ACACA: variants seen among roughly 807,000 people sequenced by gnomAD.
The protein encoded by ACACA is acetyl-CoA carboxylase 1.
Under a neutral mutation model 296.1 loss-of-function variants are expected in ACACA, and 103 were observed. The ratio of observed to expected loss-of-function variants is 0.35; its 90% CI spans 0.30 to 0.41. The LOEUF is 0.41. Among genes scored for constraint, ACACA ranks in the 10% least tolerant of loss-of-function variants. ACACA has a pLI of 1.00. For missense variants in ACACA, 1,554 were observed against 2,989.7 expected, an observed-to-expected ratio of 0.52 and a Z score of 11.20; for synonymous variants, 953 against 1,038.6, an observed-to-expected ratio of 0.92 and a Z score of 1.58.
At chr17:37,320,178 T>G (rs2047283062) in intron 3 of ACACA, among the ~76,000 whole-genome samples, 1 of 152,034 alleles carries the variant, frequency 6.6e-6, no homozygotes, top group South Asian at 2.1e-4. Context: ...TTCTATCCCT[T>G]TCTAACAAGG....
intron 1 of ACACA, chr17:37,365,490 G>T (rs1378229632): frequency 9.1e-6 from 9 of 985,428 alleles, no homozygotes; most frequent in Non-Finnish European, 1.1e-5. Flanking sequence ...TCTTCACGTT[G>T]TCTCTGAGAG....
In ACACA at chr17:37,258,387, A is replaced by G; in HGVS notation, c.1501-14T>C. 6.2e-7 allele frequency: 1 copy of G among 1,613,474 alleles called. No individual in the cohort carries two copies. The highest frequency in any genetic ancestry group is 8.5e-7 in the Non-Finnish European group (1 of 1,179,412). ...CCCCATGGCAATCTGAAAGGTAATA[A>G]AACACACATCTTTAATTTTTCAGTT... On this transcript the variant is annotated splice_polypyrimidine_tract_variant and intron_variant, in intron 12 of 55. Coordinates refer to ENST00000616317, the MANE Select transcript of ACACA (RefSeq NM_198834.3).
intron 3 of ACACA, chr17:37,301,284 A>G (rs2083604310): frequency 1.4e-6 from 1 of 738,700 alleles, no homozygotes; most frequent in African/African-American, 1.9e-5. Flanking sequence ...TTTCTCTAAT[A>G]TTAGAATACA....
At chr17:37,121,585 A>G in intron 49 of ACACA, 95 bp from the exon 50 acceptor site, 2 of 1,505,766 alleles carry the variant, frequency 1.3e-6, no homozygotes, top group Non-Finnish European at 1.8e-6. Flanking sequence ...TAAAACTGAA[A>G]ACTAAAAATC....
Position 37,125,777 on chromosome 17 carries a change from A to G in ACACA, c.5962T>C (p.Leu1988=), listed in dbSNP as rs1007250955. Residue 1988 remains leucine, a synonymous_variant, in exon 48 of 56, where the codon TTG becomes CTG. Transcript: ENST00000616317. The part of the protein sequence containing the change: ...RPHPTQKGQW[L]SGFFDYGSFS... ...GATCCATAGTCAAAAAAGCCACTCAACCACTGACCTTTTTGGGCTACAGAA... is the reference window on the plus strand; with the variant it reads ...GATCCATAGTCAAAAAAGCCACTCAGCCACTGACCTTTTTGGGCTACAGAA... 20 of 1,613,766 alleles carry G rather than the reference A, an allele frequency of 1.2e-5. No individual in the cohort carries two copies. The highest frequency in any genetic ancestry group is 1.6e-5 in the Non-Finnish European group (19 of 1,179,894).
In ACACA at chr17:37,350,506, C is replaced by T. The variant is rs746266091; in HGVS notation, c.39-10656G>A. On this transcript the variant is annotated intron_variant, in intron 1 of 55. Coordinates refer to ENST00000616317, the MANE Select transcript of ACACA (RefSeq NM_198834.3). ...CTGCATTCCAGCATGGGCAAAAGAG[C>T]GAGACCCTGTCTCGAAAACAAAACA... 1.6e-4 allele frequency among the ~76,000 whole-genome samples: 24 copies of T among 151,916 alleles called. 1 individual carries two copies. Among genetic ancestry groups the T allele is most frequent in the Non-Finnish European group, 2.8e-4 (19 of 67,982 alleles).
At position 37,324,740 on chromosome 17, in the gene ACACA, CAGG is replaced by C. The variant is rs926216712; in HGVS notation, c.338+5430_338+5432del. Among the ~76,000 whole-genome samples, 6 of 146,318 alleles carry C rather than the reference CAGG, an allele frequency of 4.1e-5. 1 individual carries two copies. The highest frequency in any genetic ancestry group is 1.5e-4 in the African/African-American group (6 of 39,282). ...GTCCCAGCTACTCGAGAGGCTGAGGCAGGAGAATTGCTTGAACCCGGGAGGCGG... is the reference window on the plus strand; with the variant it reads ...GTCCCAGCTACTCGAGAGGCTGAGGCAGAATTGCTTGAACCCGGGAGGCGG... On this transcript the variant is annotated intron_variant, in intron 3 of 55. Coordinates refer to ENST00000616317, the MANE Select transcript of ACACA (RefSeq NM_198834.3).
chr17:37,362,374 C>T (rs543893413), intron 1 of ACACA, among the ~76,000 whole-genome samples: 2 of 152,260 alleles, frequency 1.3e-5, no homozygotes, highest in East Asian at 3.9e-4. Flanking sequence ...TTCTTATCTT[C>T]CTGTGGGTAA....
At chr17:37,314,181 C>A (rs922581595) in intron 3 of ACACA, among the ~76,000 whole-genome samples, 2 of 149,430 alleles carry the variant, frequency 1.3e-5, no homozygotes, top group African/African-American at 5.0e-5. Flanking sequence ...TGGCTCACTG[C>A]AAGCTCTGCC....
chr17:37,221,301 G>T (rs2079277410), intron 29 of ACACA, among the ~76,000 whole-genome samples: 1 of 152,108 alleles, frequency 6.6e-6, no homozygotes, highest in African/African-American at 2.4e-5. Flanking sequence ...AATGAAACTG[G>T]CTCAGATATA....
At chr17:37,291,452 A>G (rs896383818) in intron 3 of ACACA, among the ~76,000 whole-genome samples, 9 of 152,128 alleles carry the variant, frequency 5.9e-5, no homozygotes, top group Non-Finnish European at 1.3e-4. Context: ...CTGGAATTAC[A>G]GGTGTGAGCC....
At chr17:37,143,574 T>G (rs773350982) in intron 45 of ACACA, 1 of 651,784 alleles carries the variant, frequency 1.5e-6, no homozygotes, top group Non-Finnish European at 2.5e-6. Flanking sequence ...TTTAAAAAAA[T>G]TCTTACACAG....
intron 3 of ACACA, among the ~76,000 whole-genome samples, chr17:37,304,655 T>C (rs769833295): frequency 1.3e-5 from 2 of 151,736 alleles, no homozygotes; most frequent in African/African-American, 4.8e-5. Context: ...TAGCTGGGCG[T>C]GGTGGTGCAC....
intron 33 of ACACA, among the ~76,000 whole-genome samples, chr17:37,204,189 A>C (rs569535799): frequency 1.3e-5 from 2 of 152,246 alleles, no homozygotes; most frequent in East Asian, 3.8e-4. Context: ...CTTGCCATCA[A>C]GGGCAGTTTA....
chr17:37,318,833 G>T (rs1043039254), intron 3 of ACACA, among the ~76,000 whole-genome samples: 29 of 152,236 alleles, frequency 1.9e-4, no homozygotes, highest in Non-Finnish European at 3.5e-4. Flanking sequence ...AACTCAAGGA[G>T]TTTAAAGTGA....
intron 52 of ACACA, among the ~76,000 whole-genome samples, chr17:37,098,574 A>G (rs2073132291): frequency 6.6e-6 from 1 of 152,204 alleles, no homozygotes; most frequent in Admixed American, 6.5e-5. Context: ...CTTAACCTCT[A>G]ATTAGTAGAA....
chr17:37,227,859 C>CA (rs60565367), intron 25 of ACACA, among the ~76,000 whole-genome samples: 19,066 of 102,526 alleles, frequency 0.19, 2,529 homozygotes, highest in African/African-American at 0.38. Flanking sequence ...GACTCTGTCT[C>CA]AAAAAAAAAA....
At chr17:37,150,215 G>T (rs2075978753) in intron 44 of ACACA, among the ~76,000 whole-genome samples, 3 of 152,198 alleles carry the variant, frequency 2.0e-5, no homozygotes, top group Non-Finnish European at 4.4e-5. Context: ...TTGGGAGTCT[G>T]AGGTGGGCGG....
chr17:37,199,239 CAA>C (rs1367557401), intron 35 of ACACA, among the ~76,000 whole-genome samples: 24 of 95,682 alleles, frequency 2.5e-4, no homozygotes, highest in Non-Finnish European at 1.7e-4. Flanking sequence ...GACACTCTCT[CAA>C]AAAAAAAAAA....
Sources: allele counts gnomAD v4.1 joint callset (sites outside exome capture counted in the v4.1 genomes callset), GRCh38; gene constraint gnomAD v4.1.1; transcripts MANE v1.5; gene names NCBI Gene and HGNC (gene_info 2026-07-23, HGNC 2026-07-21).